COL5A1: variants seen among roughly 807,000 people sequenced by gnomAD.
The protein encoded by COL5A1 is collagen type V alpha 1 chain.
In COL5A1, 16 loss-of-function variants were observed where a neutral mutation model predicts 263.7. The ratio of observed to expected loss-of-function variants is 0.06; its 90% CI spans 0.04 to 0.09. The LOEUF (loss-of-function observed/expected upper bound fraction) is 0.09, where lower values mean the gene tolerates loss of function less well. Ranked by LOEUF, COL5A1 falls within the 10% of genes least tolerant of loss-of-function variation. The probability of loss-of-function intolerance (pLI) is 1.00; values close to 1 mark genes in which losing one functional copy is unlikely to be tolerated. For missense variants in COL5A1, 2,036 were observed against 2,540.5 expected, an observed-to-expected ratio of 0.80 and a Z score of 4.27; for synonymous variants, 1,012 against 1,004.5, an observed-to-expected ratio of 1.01 and a Z score of -0.14.
intron 37 of COL5A1, among the ~76,000 whole-genome samples, chr9:134,799,769 TTA>T (rs145567847): frequency 0.065 from 9,964 of 152,262 alleles, 662 homozygotes; most frequent in African/African-American, 0.17. Flanking sequence ...TAGAGAAAAA[TTA>T]AAACATTTCT....
intron 39 of COL5A1, among the ~76,000 whole-genome samples, chr9:134,803,347 C>T (rs1456220910): frequency 2.0e-5 from 3 of 152,172 alleles, no homozygotes; most frequent in African/African-American, 7.2e-5. Flanking sequence ...AAAAACCCCT[C>T]ACCCCAGCCA....
Position 134,802,968 on chromosome 9 carries a change from G to A in COL5A1, c.3087G>A (p.Pro1029=), listed in dbSNP as rs774035950. The change falls in exon 39 of 66, where the codon CCG becomes CCA. Residue 1029 remains proline (P), a synonymous_variant. Coordinates refer to ENST00000371817, the MANE Select transcript of COL5A1 (RefSeq NM_000093.5). The part of the protein sequence containing the change: ...PPGPPGEQGL[P]GLAGKEGTKG... ...GACCCCCCGGTGAACAGGGGCTTCC[G>A]GGCCTTGCTGGAAAAGAAGGGACGA... 7.0e-5 allele frequency: 113 copies of A among 1,607,714 alleles called. No individual in the cohort carries two copies. Among genetic ancestry groups the A allele is most frequent in the Admixed American group, 1.0e-4 (6 of 59,114 alleles).
intron 65 of COL5A1, among the ~76,000 whole-genome samples, chr9:134,840,126 G>A (rs976542700): frequency 3.9e-5 from 6 of 152,246 alleles, no homozygotes; most frequent in South Asian, 2.1e-4. Flanking sequence ...TGCAGATTCC[G>A]AGTCCCACCC....
chr9:134,727,171 A>G, intron 4 of COL5A1, 95 bp from the exon 5 acceptor site: 11 of 1,352,638 alleles, frequency 8.1e-6, no homozygotes, highest in East Asian at 6.9e-5. Context: ...CTTGGTCTGG[A>G]CTTTCCCCTG....
Position 134,804,959 on chromosome 9 carries a change from C to T in COL5A1, c.3115-16C>T, listed in dbSNP as rs758748270. On this transcript the variant is annotated splice_polypyrimidine_tract_variant and intron_variant, in intron 39 of 65. Transcript: ENST00000371817. ...TCACTGGCTCCAGGAAAGCTCATCT[C>T]TGACTCTGTTTTCAGGGTGACCCAG... The T allele has an allele frequency of 6.2e-7, 1 of 1,610,138 alleles. No homozygotes were observed.
intron 54 of COL5A1, 75 bp downstream of exon 54, chr9:134,817,906 G>A (rs1211779944): frequency 3.5e-6 from 5 of 1,430,792 alleles, no homozygotes; most frequent in East Asian, 4.9e-5. Context: ...GAGTGGACAA[G>A]CGTGTGGGCA....
At chr9:134,826,915 T>C (rs58283571) in intron 63 of COL5A1, among the ~76,000 whole-genome samples, 109,251 of 151,962 alleles carry the variant, frequency 0.72, 39,316 homozygotes, top group South Asian at 0.81. Flanking sequence ...TAGACGGGCG[T>C]GTGTTGCTAT....
intron 4 of COL5A1, among the ~76,000 whole-genome samples, chr9:134,714,943 C>T (rs1440360684): frequency 6.6e-6 from 1 of 151,090 alleles, no homozygotes; most frequent in African/African-American, 2.4e-5. Context: ...TGAAGGGTGG[C>T]CTGCCCCACC....
At position 134,844,724 on chromosome 9, in the gene COL5A1, A is replaced by ATAAG. The variant is rs1358076885; in HGVS notation, c.*2423_*2426dup. Reference sequence around the variant, plus strand: ...TTTCAAAAAATCCGCTAGACATGTCATAAGTTTTAACTGTAATGCCCAGGA... The same window carrying ATAAG: ...TTTCAAAAAATCCGCTAGACATGTCATAAGTAAGTTTTAACTGTAATGCCCAGGA... On this transcript the variant is annotated 3_prime_UTR_variant, in exon 66 of 66. Coordinates refer to ENST00000371817, the MANE Select transcript of COL5A1 (RefSeq NM_000093.5). The ATAAG allele has an allele frequency of 2.0e-5, 3 of 152,284 alleles. No homozygotes were observed. The highest frequency in any genetic ancestry group is 2.9e-5 in the Non-Finnish European group (2 of 68,054). 9.4% of individuals were successfully genotyped at this position (152,284 alleles called of 1,614,324 possible).
At chr9:134,740,257 G>A (rs1265793170) in intron 11 of COL5A1, among the ~76,000 whole-genome samples, 3 of 152,306 alleles carry the variant, frequency 2.0e-5, no homozygotes, top group South Asian at 2.1e-4. Flanking sequence ...AGGCAACAGC[G>A]AGTGGCCGCT....
Position 134,806,774 on chromosome 9 carries a change from C to T in COL5A1, c.3366+478C>T, listed in dbSNP as rs75739943. 9.9e-5 allele frequency among the ~76,000 whole-genome samples: 15 copies of T among 152,220 alleles called. No homozygotes were observed. The East Asian group carries it at 1.9e-3, about 20-fold the overall frequency. On this transcript the variant is annotated intron_variant, in intron 42 of 65. Transcript: ENST00000371817. ...CTTCCTAGGAAAGGATGTTTGGAACCGGGGAGTCCTGTTTCTTGGTTGGGG... is the reference window on the plus strand; with the variant it reads ...CTTCCTAGGAAAGGATGTTTGGAACTGGGGAGTCCTGTTTCTTGGTTGGGG...
rs1835926047 is a variant in COL5A1, at chr9:134,755,228, A to G, written c.1827+902A>G. Among the ~76,000 whole-genome samples, 1 of 152,178 alleles carries G rather than the reference A, an allele frequency of 6.6e-6. No homozygotes were observed. The highest frequency in any genetic ancestry group is 1.5e-5 in the Non-Finnish European group (1 of 68,032). On this transcript the variant is annotated intron_variant, in intron 16 of 65. Coordinates refer to ENST00000371817, the MANE Select transcript of COL5A1 (RefSeq NM_000093.5). This position sits in a 1 kb window ranked among gnomAD's most constrained non-coding sequence, Gnocchi z 4.1. Reference sequence around the variant, plus strand: ...CTCTGGAATCGACTCTTGGTAGACAATTGGGCCATTTATTTGGATCTGATT... The same window carrying G: ...CTCTGGAATCGACTCTTGGTAGACAGTTGGGCCATTTATTTGGATCTGATT...
chr9:134,818,252 G>C lies in COL5A1; in HGVS notation c.4231-404G>C, dbSNP rs1326079771. On this transcript the variant is annotated intron_variant, in intron 54 of 65. Coordinates refer to ENST00000371817, the MANE Select transcript of COL5A1 (RefSeq NM_000093.5). The surrounding 1 kb of genome is among the most constrained non-coding windows in gnomAD (Gnocchi z 6.0). ...AAGATGGGACGCCGTCACCCATGCA[G>C]TTGGCTTGGGGCCTGGCCCAGAGCA... is the stretch of plus-strand genomic sequence containing the variant. Among the ~76,000 whole-genome samples the C allele has an allele frequency of 6.6e-6, 1 of 152,228 alleles. No homozygotes were observed. The highest frequency in any genetic ancestry group is 1.5e-5 in the Non-Finnish European group (1 of 68,030).
chr9:134,726,036 T>C (rs941404644), intron 4 of COL5A1, among the ~76,000 whole-genome samples: 1 of 152,218 alleles, frequency 6.6e-6, no homozygotes, highest in African/African-American at 2.4e-5. Flanking sequence ...GTAATTCTAG[T>C]TTTAACTTTT....
In COL5A1 at chr9:134,794,460, C is replaced by G. The variant is rs1425476930; in HGVS notation, c.2701-622C>G. Among the ~76,000 whole-genome samples the G allele has an allele frequency of 2.0e-5, 3 of 152,162 alleles. No homozygotes were observed. In the East Asian group the frequency reaches 5.8e-4, roughly 29 times the overall value. ...TGTAGCTTAACTACATTTTCCAGCT[C>G]TGACATCTTTGCACTGCATTTGTTT... On this transcript the variant is annotated intron_variant, in intron 32 of 65. Coordinates refer to ENST00000371817, the MANE Select transcript of COL5A1 (RefSeq NM_000093.5). The surrounding 1 kb of genome is among the most constrained non-coding windows in gnomAD (Gnocchi z 4.3).
intron 60 of COL5A1, 117 bp downstream of exon 60, chr9:134,823,150 C>G: frequency 1.6e-6 from 2 of 1,264,814 alleles, no homozygotes; most frequent in Non-Finnish European, 1.1e-6. Flanking sequence ...CTGCTGCTCA[C>G]GATCCTCCCA....
At chr9:134,802,086 C>G in intron 38 of COL5A1, 79 bp downstream of exon 38, 1 of 1,402,678 alleles carries the variant, frequency 7.1e-7, no homozygotes, top group South Asian at 1.2e-5. Flanking sequence ...GCCCGGGCAT[C>G]TGTTCCCTCC....
chr9:134,760,082 G>T (rs1183664429), intron 18 of COL5A1, among the ~76,000 whole-genome samples: 1 of 47,658 alleles, frequency 2.1e-5, no homozygotes, highest in Admixed American at 3.2e-4. Context: ...ATGCACACAC[G>T]CATACACGCC....
chr9:134,674,332 G>A lies in COL5A1; in HGVS notation c.110-16580G>A, dbSNP rs141457447. Reference sequence around the variant, plus strand: ...TTGGCAACAGAAGGCATGAGTGCCCGAACAGGGTGGCACGAAAGCACTGTG... The same window carrying A: ...TTGGCAACAGAAGGCATGAGTGCCCAAACAGGGTGGCACGAAAGCACTGTG... On this transcript the variant is annotated intron_variant, in intron 1 of 65. Transcript: ENST00000371817. Among the ~76,000 whole-genome samples, 440 of 152,312 alleles carry A rather than the reference G, an allele frequency of 2.9e-3. 7 individuals carry two copies. The highest frequency in any genetic ancestry group is 0.01 in the African/African-American group (428 of 41,570).
Sources: gnomAD v4.1 joint callset for allele counts (sites outside exome capture counted in the v4.1 genomes callset) on GRCh38, gnomAD v4.1.1 for gene constraint, Gnocchi (gnomAD v3.1) non-coding constraint, MANE v1.5 for transcripts, NCBI Gene and HGNC (gene_info 2026-07-23, HGNC 2026-07-21) for gene names.